The following EPC1 variants were observed in gnomAD, a reference collection of about 807,000 sequenced individuals.
EPC1 encodes enhancer of polycomb 1, also known as enhancer of polycomb homolog 1.
EPC1 carries 12 observed loss-of-function variants against 98.4 expected under a neutral mutation model. The ratio of observed to expected loss-of-function variants is 0.12; its 90% confidence interval spans 0.08 to 0.20. The LOEUF is 0.20. EPC1 is among the 10% of genes least tolerant of loss of function. The pLI is 1.00. For synonymous variants in EPC1, 357 were observed against 363.9 expected, an observed-to-expected ratio of 0.98 and a Z score of 0.21; for missense variants, 729 against 990.5, an observed-to-expected ratio of 0.74 and a Z score of 3.54.
intron 1 of EPC1, among the ~76,000 whole-genome samples, chr10:32,306,857 AACACACACACACAC>A (rs3029539): frequency 4.7e-5 from 7 of 149,644 alleles, no homozygotes; most frequent in African/African-American, 1.7e-4. Flanking sequence ...ATTAAATTCA[AACACACACACACAC>A]ACACACACAC....
At chr10:32,346,579 C>T in intron 1 of EPC1, 184 bp downstream of exon 1, 4 of 637,646 alleles carry the variant, frequency 6.3e-6, no homozygotes, top group Non-Finnish European at 1.1e-5. Context: ...GAAGGGGCCC[C>T]GCTGGGCCGC....
At chr10:32,346,720 G>T (rs374769114) in intron 1 of EPC1, 43 bp downstream of exon 1, 4 of 1,580,350 alleles carry the variant, frequency 2.5e-6, no homozygotes, top group Admixed American at 3.4e-5. Flanking sequence ...GCAGCAGAGG[G>T]AGCGGGCCTG....
chr10:32,329,310 G>C (rs1437333332), intron 1 of EPC1, among the ~76,000 whole-genome samples: 1 of 152,180 alleles, frequency 6.6e-6, no homozygotes. Context: ...CTGGAGTGAG[G>C]CCACATAGTA....
chr10:32,292,071 A>T (rs1217718763), intron 5 of EPC1: 2 of 152,314 alleles, frequency 1.3e-5, no homozygotes, highest in African/African-American at 4.8e-5. Flanking sequence ...GAAATAGGGC[A>T]GAAGTTTTCT....
intron 1 of EPC1, among the ~76,000 whole-genome samples, chr10:32,366,296 A>C (rs974163581): frequency 3.9e-5 from 6 of 152,308 alleles, no homozygotes; most frequent in Non-Finnish European, 5.9e-5. Flanking sequence ...ATATAAAAGA[A>C]AATGTTGCTC....
intron 1 of EPC1, among the ~76,000 whole-genome samples, chr10:32,326,060 A>AT (rs1353380404): frequency 6.6e-6 from 1 of 152,234 alleles, no homozygotes; most frequent in East Asian, 1.9e-4. Context: ...TATACCTCTT[A>AT]TCTGTCTTCT....
intron 5 of EPC1, 21 bp from the exon 6 acceptor site, chr10:32,291,343 G>T (rs746528189): frequency 6.4e-7 from 1 of 1,567,034 alleles, no homozygotes; most frequent in Non-Finnish European, 8.7e-7. Context: ...ACAAATGAAA[G>T]TTTAAAATTA....
intron 1 of EPC1, among the ~76,000 whole-genome samples, chr10:32,325,019 A>C (rs1376355203): frequency 6.6e-6 from 1 of 152,106 alleles, no homozygotes; most frequent in Non-Finnish European, 1.5e-5. Flanking sequence ...ATAAATAAAT[A>C]AAAATAAATA....
At chr10:32,320,489 GAAC>G (rs1312793704) in intron 1 of EPC1, among the ~76,000 whole-genome samples, 16 of 152,230 alleles carry the variant, frequency 1.1e-4, no homozygotes, top group African/African-American at 3.6e-4. Flanking sequence ...AAGCTATGCT[GAAC>G]AACGTCTTTA....
chr10:32,312,364 CAATT>C (rs1015059225), intron 1 of EPC1, among the ~76,000 whole-genome samples: 19 of 152,100 alleles, frequency 1.2e-4, no homozygotes, highest in African/African-American at 2.9e-4. Flanking sequence ...CACAAACCAT[CAATT>C]AGAGAGACAT....
intron 2 of EPC1, among the ~76,000 whole-genome samples, chr10:32,304,873 C>T (rs933244538): frequency 2.8e-5 from 4 of 144,922 alleles, no homozygotes; most frequent in African/African-American, 7.7e-5. Flanking sequence ...AAGCCGAGAT[C>T]GCGCCATTGC....
chr10:32,325,000 A>T (rs911452924), intron 1 of EPC1, among the ~76,000 whole-genome samples: 1 of 152,186 alleles, frequency 6.6e-6, no homozygotes, highest in Non-Finnish European at 1.5e-5. Flanking sequence ...ACTCTGTCTC[A>T]AAAGAAAAAT....
At chr10:32,337,527 GA>G (rs1838049932) in intron 1 of EPC1, among the ~76,000 whole-genome samples, 1 of 152,184 alleles carries the variant, frequency 6.6e-6, no homozygotes, top group Non-Finnish European at 1.5e-5. Context: ...TTCTTCAACT[GA>G]AGGAGCTGCC....
chr10:32,358,937 T>C (rs1485945856), intron 1 of EPC1, among the ~76,000 whole-genome samples: 1 of 152,198 alleles, frequency 6.6e-6, no homozygotes, highest in African/African-American at 2.4e-5. Flanking sequence ...AAATACTGCT[T>C]ATTAAATCTT....
chr10:32,302,682 C>T (rs960587583), intron 2 of EPC1, among the ~76,000 whole-genome samples: 1 of 148,858 alleles, frequency 6.7e-6, no homozygotes, highest in African/African-American at 2.5e-5. Context: ...GGGGGAGCGG[C>T]GCAAAAGACA....
rs993725599 is a variant in EPC1 at position 32,277,683 on chromosome 10, C to T, written c.1745-4402G>A. 2.6e-5 allele frequency among the ~76,000 whole-genome samples: 4 copies of T among 152,218 alleles called. No homozygotes were observed. The South Asian group carries it at 8.3e-4, about 32-fold the overall frequency. On this transcript the variant is annotated intron_variant, in intron 10 of 13. Coordinates refer to ENST00000319778, the MANE Select transcript of EPC1 (RefSeq NM_001272004.3). ...TCAACTGATCCTCCCACCTCAGCCT[C>T]CCAAGTAGCTCTAGCTCGGACTACA... is the stretch of plus-strand genomic sequence containing the variant.
chr10:32,346,696 C>A (rs1406889924), intron 1 of EPC1, 67 bp downstream of exon 1: 1 of 1,471,380 alleles, frequency 6.8e-7, no homozygotes, highest in African/African-American at 1.4e-5. Context: ...TTTGCTGCTC[C>A]GCCGCCGCCG....
In EPC1 at chr10:32,357,530, G is replaced by A. The variant is rs149685681; in HGVS notation, c.3+20961C>T. Reference sequence around the variant, plus strand: ...GGCTGCAGTGCAGTTGTGCTATCACGGCTCACTGCAGCCTCAAACTTCTGG... The same window carrying A: ...GGCTGCAGTGCAGTTGTGCTATCACAGCTCACTGCAGCCTCAAACTTCTGG... On this transcript the variant is annotated intron_variant, in intron 1 of 13. Transcript: ENST00000375110. 1.7e-3 allele frequency among the ~76,000 whole-genome samples: 254 copies of A among 152,248 alleles called. 1 individual carries two copies. The highest frequency in any genetic ancestry group is 5.9e-3 in the African/African-American group (245 of 41,558).
At chr10:32,347,586 T>A (rs1308316623), upstream of EPC1, 1 of 151,940 alleles carries the variant, frequency 6.6e-6, no homozygotes, top group Non-Finnish European at 1.5e-5. Flanking sequence ...CTCGGACCTC[T>A]GGGGTGCTCG....
Sources: allele counts gnomAD v4.1 joint callset (sites outside exome capture counted in the v4.1 genomes callset), GRCh38; gene constraint gnomAD v4.1.1; transcripts MANE v1.5; gene names NCBI Gene and HGNC (gene_info 2026-07-23, HGNC 2026-07-21).